Variants in SYN3 observed in about 807,000 individuals in gnomAD.
SYN3 encodes the protein synapsin-3.
A neutral mutation model predicts 65.8 loss-of-function variants in SYN3; 35 were observed. That is an observed-to-expected ratio of 0.53 (90% CI 0.41 to 0.70). The LOEUF (loss-of-function observed/expected upper bound fraction) is 0.70. SYN3 is among the 30% of genes least tolerant of loss of function. The pLI is 0.00. For missense variants in SYN3, 680 were observed against 749.0 expected (o/e 0.91, Z 1.08); for synonymous variants, 270 against 292.9 (o/e 0.92, Z 0.80).
chr22:32,890,808 T>TAG (rs796904690), intron 4 of SYN3, among the ~76,000 whole-genome samples: 1 of 151,366 alleles, frequency 6.6e-6, no homozygotes, highest in African/African-American at 2.4e-5. Flanking sequence ...ACTATATATA[T>TAG]AGAGAGAGAG....
chr22:32,697,759 C>T (rs778027322), intron 6 of SYN3, among the ~76,000 whole-genome samples: 1 of 152,246 alleles, frequency 6.6e-6, no homozygotes, highest in Non-Finnish European at 1.5e-5. Context: ...TTCACATTCA[C>T]AGGCAACGTA....
At chr22:32,629,989 T>TTA in intron 6 of SYN3, 1 of 103,848 alleles carries the variant, frequency 9.6e-6, no homozygotes, top group South Asian at 3.8e-4. Flanking sequence ...AGGTATGTAT[T>TTA]TTTTTTTTTT....
intron 1 of SYN3, among the ~76,000 whole-genome samples, chr22:33,029,173 CTTTTT>C (rs133973): frequency 6.9e-6 from 1 of 144,064 alleles, no homozygotes; most frequent in Non-Finnish European, 1.5e-5. Flanking sequence ...CCAAAGATGA[CTTTTT>C]TTTTTTTTTT....
At chr22:33,007,557 C>T (rs774218479) in intron 1 of SYN3, among the ~76,000 whole-genome samples, 41 of 152,208 alleles carry the variant, frequency 2.7e-4, no homozygotes, top group African/African-American at 9.2e-4. Flanking sequence ...GTGGCCCACG[C>T]GATGGAAGTA....
At chr22:32,671,206 T>C (rs2147063258) in intron 6 of SYN3, among the ~76,000 whole-genome samples, 1 of 152,144 alleles carries the variant, frequency 6.6e-6, no homozygotes, top group African/African-American at 2.4e-5. Flanking sequence ...TAGATCTTCT[T>C]TCCATTCTCT....
chr22:32,678,903 T>C (rs930052336), intron 6 of SYN3, among the ~76,000 whole-genome samples: 2 of 152,170 alleles, frequency 1.3e-5, no homozygotes, highest in Admixed American at 6.5e-5. Context: ...AGTGTTTGTC[T>C]TTCTGTAGCT....
At chr22:32,672,243 C>T (rs750114527) in intron 6 of SYN3, among the ~76,000 whole-genome samples, 83 of 152,254 alleles carry the variant, frequency 5.5e-4, no homozygotes, top group Non-Finnish European at 9.0e-4. Flanking sequence ...AATGTCTTGC[C>T]CATCCTTGGG....
intron 6 of SYN3, among the ~76,000 whole-genome samples, chr22:32,687,808 C>T (rs922112808): frequency 1.6e-4 from 25 of 152,168 alleles, no homozygotes; most frequent in African/African-American, 6.0e-4. Context: ...ATTGTTAATT[C>T]CAAAGAATCC....
At chr22:32,742,497 G>A (rs1245911409) in intron 6 of SYN3, among the ~76,000 whole-genome samples, 2 of 152,090 alleles carry the variant, frequency 1.3e-5, no homozygotes, top group Non-Finnish European at 2.9e-5. Context: ...GGGAGAGGAT[G>A]GGAAATGAAG....
At chr22:32,947,237 T>C (rs1199725586) in intron 3 of SYN3, among the ~76,000 whole-genome samples, 5 of 152,238 alleles carry the variant, frequency 3.3e-5, no homozygotes, top group Non-Finnish European at 7.3e-5. Flanking sequence ...TTAACTGTTA[T>C]ATGTTCATCT....
intron 1 of SYN3, among the ~76,000 whole-genome samples, chr22:33,038,641 C>T (rs2053904552): frequency 6.6e-6 from 1 of 152,184 alleles, no homozygotes; most frequent in East Asian, 1.9e-4. Context: ...TGCCCCATCC[C>T]CAGTGTGCTG....
chr22:32,594,934 A>G (rs1339425617), intron 7 of SYN3, among the ~76,000 whole-genome samples: 2 of 152,208 alleles, frequency 1.3e-5, no homozygotes, highest in Non-Finnish European at 2.9e-5. Context: ...TTGGCCTCAC[A>G]TTGTTTAACT....
At chr22:32,936,203 T>C (rs2050771487) in intron 3 of SYN3, among the ~76,000 whole-genome samples, 3 of 152,168 alleles carry the variant, frequency 2.0e-5, no homozygotes, top group South Asian at 4.1e-4. Flanking sequence ...TACACTCCCA[T>C]CTTAAACAAC....
intron 6 of SYN3, among the ~76,000 whole-genome samples, chr22:32,680,406 A>G (rs2060507322): frequency 6.6e-6 from 1 of 152,212 alleles, no homozygotes; most frequent in African/African-American, 2.4e-5. Flanking sequence ...CTTCCCCAGA[A>G]GACTGTCAAC....
At chr22:32,617,868 G>A (rs1022095171) in intron 6 of SYN3, among the ~76,000 whole-genome samples, 1 of 152,026 alleles carries the variant, frequency 6.6e-6, no homozygotes, top group African/African-American at 2.4e-5. Flanking sequence ...TGCGAGTCTA[G>A]GTGGGCGACC....
intron 1 of SYN3, among the ~76,000 whole-genome samples, chr22:33,046,841 TAA>T (rs71187229): frequency 0.02 from 1,866 of 92,770 alleles, 72 homozygotes; most frequent in African/African-American, 0.07. Flanking sequence ...AGTCTCTGTT[TAA>T]AAAAAAAAAA....
chr22:32,767,644 A>G (rs1457382518), intron 6 of SYN3, among the ~76,000 whole-genome samples: 1 of 152,224 alleles, frequency 6.6e-6, no homozygotes, highest in Non-Finnish European at 1.5e-5. Flanking sequence ...CTTTGAACTT[A>G]CATTGTTGCA....
At chr22:32,653,265 GAAA>G (rs67258911) in intron 6 of SYN3, among the ~76,000 whole-genome samples, 1 of 133,772 alleles carries the variant, frequency 7.5e-6, no homozygotes, top group African/African-American at 2.8e-5. Flanking sequence ...TTCCTTAAAA[GAAA>G]AAAAAAAAAA....
intron 3 of SYN3, among the ~76,000 whole-genome samples, chr22:32,943,632 A>T (rs983080337): frequency 7.2e-5 from 11 of 152,352 alleles, no homozygotes; most frequent in African/African-American, 2.6e-4. Context: ...TAAATGCTCC[A>T]ATTAAAAGAC....
Sources: gnomAD v4.1 joint callset for allele counts (sites outside exome capture counted in the v4.1 genomes callset) on GRCh38, gnomAD v4.1.1 for gene constraint, MANE v1.5 for transcripts, NCBI Gene and HGNC (gene_info 2026-07-23, HGNC 2026-07-21) for gene names.